The following MMADHC variants were observed in gnomAD, a reference collection of about 807,000 sequenced individuals.
The protein encoded by MMADHC is metabolism of cobalamin associated D.
In MMADHC, 23 loss-of-function variants were observed where a neutral mutation model predicts 36.3. The observed-to-expected ratio is 0.63, with a 90% CI of 0.46 to 0.90. The LOEUF is 0.90. MMADHC is among the 40% of genes least tolerant of loss of function. The probability of loss-of-function intolerance (pLI) is 0.00; values close to 1 mark genes in which losing one functional copy is unlikely to be tolerated. For synonymous variants in MMADHC, 97 were observed against 116.1 expected (o/e 0.84, Z 1.06); for missense variants, 330 against 348.0 (o/e 0.95, Z 0.41).
In MMADHC at chr2:149,569,644, C is replaced by A; in HGVS notation, c.*330G>T. On this transcript the variant is annotated 3_prime_UTR_variant, in exon 8 of 8. Coordinates refer to ENST00000303319, the MANE Select transcript of MMADHC (RefSeq NM_015702.3). ...TAATGAAAACACACATTATTGTAAC[C>A]AAATGTGTGATTTATTTTGGGAAGA... 5.5e-6 allele frequency: 1 copy of A among 181,708 alleles called. No individual in the cohort carries two copies. Among genetic ancestry groups the A allele is most frequent in the East Asian group, 1.4e-4 (1 of 7,060 alleles). The allele number at this position is 181,708 out of a possible 1,614,324, so 11.3% of individuals were successfully genotyped here. A position where few individuals can be genotyped will look rare whatever the true frequency, so the allele number is the denominator to read the frequency against.
intron 1 of MMADHC, 94 bp from the exon 2 acceptor site, chr2:149,587,243 A>C: frequency 2.5e-6 from 2 of 791,628 alleles, no homozygotes; most frequent in Non-Finnish European, 4.3e-6. Context: ...TGTGTCGTCC[A>C]CCACGTCAGG....
intron 1 of MMADHC, 111 bp from the exon 2 acceptor site, chr2:149,587,260 G>C: frequency 1.4e-6 from 1 of 704,092 alleles, no homozygotes; most frequent in Non-Finnish European, 2.5e-6. Context: ...CAGGACCAAA[G>C]TCCAAGCTCT....
chr2:149,586,587 A>G (rs1471038783), intron 2 of MMADHC, among the ~76,000 whole-genome samples: 1 of 152,228 alleles, frequency 6.6e-6, no homozygotes, highest in African/African-American at 2.4e-5. Context: ...TATATGTCTT[A>G]TGACCGCTAC....
chr2:149,570,314 G>A lies in MMADHC; in HGVS notation c.697-146C>T, dbSNP rs1483101491. ...AAAAGTCACATGCAACACTTAAACC[G>A]CCTTAATATCCCTTTCCTCCAATTC... On this transcript the variant is annotated intron_variant, in intron 7 of 7. Transcript: ENST00000303319. 5.0e-5 allele frequency: 35 copies of A among 697,506 alleles called. 1 individual carries two copies. In the South Asian group the frequency reaches 5.1e-4, roughly 10 times the overall value. 43.2% of individuals were successfully genotyped at this position (697,506 alleles called of 1,614,324 possible).
intron 3 of MMADHC, among the ~76,000 whole-genome samples, chr2:149,580,873 C>G (rs764741683): frequency 1.2e-4 from 18 of 152,172 alleles, no homozygotes; most frequent in Non-Finnish European, 2.2e-4. Flanking sequence ...AATGCAGATT[C>G]TGATTTAATA....
At position 149,571,139 on chromosome 2, in the gene MMADHC, A is replaced by G. The variant is rs1327982188; in HGVS notation, c.642T>C (p.Ala214=). The change falls in exon 7 of 8, where the codon GCT becomes GCC. Residue 214 remains alanine, a synonymous_variant. Transcript: ENST00000303319. ...FINGAKEICY[A]LRAEGYWADF... ...CAGCCCAATAACCCTCAGCTCGAAGAGCATAGCAAATTTCCTTAGCACCAT... is the reference window on the plus strand; with the variant it reads ...CAGCCCAATAACCCTCAGCTCGAAGGGCATAGCAAATTTCCTTAGCACCAT... The G allele has an allele frequency of 1.2e-6, 2 of 1,612,210 alleles. No individual in the cohort carries two copies. Among genetic ancestry groups the G allele is most frequent in the Admixed American group, 1.7e-5 (1 of 59,978 alleles).
Position 149,587,140 on chromosome 2 carries a change from A to G in MMADHC, c.-43T>C, listed in dbSNP as rs372937798. Reference sequence around the variant, plus strand: ...GTTCGCAAAATAGCTTTCCTTTGGTAAAGTTATTTCTGGGAAAGAACACAA... The same window carrying G: ...GTTCGCAAAATAGCTTTCCTTTGGTGAAGTTATTTCTGGGAAAGAACACAA... On this transcript the variant is annotated 5_prime_UTR_variant, in exon 2 of 8. Transcript: ENST00000303319. 10 of 1,603,168 alleles carry G rather than the reference A, an allele frequency of 6.2e-6. No homozygotes were observed. The African/African-American group carries it at 1.2e-4, about 19-fold the overall frequency.
At chr2:149,580,565 C>T (rs1375199411) in intron 3 of MMADHC, among the ~76,000 whole-genome samples, 1 of 152,106 alleles carries the variant, frequency 6.6e-6, no homozygotes, top group Non-Finnish European at 1.5e-5. Flanking sequence ...GAGATCTGGG[C>T]TTAGAGAAAC....
At chr2:149,572,992 C>T (rs1682666439) in intron 6 of MMADHC, among the ~76,000 whole-genome samples, 1 of 152,174 alleles carries the variant, frequency 6.6e-6, no homozygotes, top group Non-Finnish European at 1.5e-5. Context: ...TTTTACTGGA[C>T]ACAGCCATGG....
intron 2 of MMADHC, among the ~76,000 whole-genome samples, chr2:149,584,978 A>C (rs901696947): frequency 2.6e-5 from 4 of 151,088 alleles, no homozygotes; most frequent in African/African-American, 9.7e-5. Flanking sequence ...AGGAGCCAGG[A>C]TTTCAGTGAG....
chr2:149,577,491 T>C (rs926430636), intron 4 of MMADHC, among the ~76,000 whole-genome samples: 2 of 152,136 alleles, frequency 1.3e-5, no homozygotes, highest in South Asian at 2.1e-4. Flanking sequence ...ATTTGGACTT[T>C]AGTCTACAGG....
intron 6 of MMADHC, 37 bp from the exon 7 acceptor site, chr2:149,571,208 C>G: frequency 8.0e-7 from 1 of 1,256,962 alleles, no homozygotes; most frequent in Non-Finnish European, 1.1e-6. Flanking sequence ...CTTAAGATAG[C>G]ATTACTAGAG....
Position 149,582,131 on chromosome 2 carries a change from A to T in MMADHC, c.150T>A (p.Asp50Glu). 4 of 1,613,898 alleles carry T rather than the reference A, an allele frequency of 2.5e-6. No individual in the cohort carries two copies. Among genetic ancestry groups the T allele is most frequent in the Non-Finnish European group, 3.4e-6 (4 of 1,179,816 alleles). ...GCAGTAACAACTTTCACTTACATAT[A>T]TCTGGAGGTGCAGCAGCCACATGAG... ...DESHVAAAPPDICSRTVWPDE... is the reference protein window; with the variant it reads ...DESHVAAAPPEICSRTVWPDE... Residue 50 changes from aspartate to glutamate, a missense_variant, in exon 3 of 8, where the codon GAT becomes GAA. Physicochemically the swap from Asp to Glu is conservative, Grantham distance 45. Coordinates refer to ENST00000303319, the MANE Select transcript of MMADHC (RefSeq NM_015702.3).
chr2:149,587,443 A>G (rs1465770572), intron 1 of MMADHC: 4 of 398,096 alleles, frequency 1.0e-5, no homozygotes, highest in Non-Finnish European at 1.4e-5. Flanking sequence ...CAGAGGATCG[A>G]AGCGGCTGCT....
At chr2:149,573,264 A>G (rs1682669983) in intron 6 of MMADHC, among the ~76,000 whole-genome samples, 1 of 151,806 alleles carries the variant, frequency 6.6e-6, no homozygotes, top group Non-Finnish European at 1.5e-5. Flanking sequence ...AAACAAACAA[A>G]CAACAAAAAA....
At chr2:149,577,908 C>T (rs1453810720) in intron 4 of MMADHC, among the ~76,000 whole-genome samples, 1 of 151,640 alleles carries the variant, frequency 6.6e-6, no homozygotes, top group Non-Finnish European at 1.5e-5. Flanking sequence ...ATCTCAGCTA[C>T]TCGGGAGGCT....
intron 6 of MMADHC, among the ~76,000 whole-genome samples, chr2:149,575,099 T>C (rs1484368273): frequency 6.6e-6 from 1 of 152,170 alleles, no homozygotes; most frequent in Non-Finnish European, 1.5e-5. Context: ...CAGTTAAAAT[T>C]CTTAAATAAA....
chr2:149,583,160 G>T (rs889935959), intron 2 of MMADHC, among the ~76,000 whole-genome samples: 1 of 152,112 alleles, frequency 6.6e-6, no homozygotes, highest in African/African-American at 2.4e-5. Context: ...GCAACTCTCA[G>T]TTTAGTGAAA....
chr2:149,580,824 T>A (rs577729362), intron 3 of MMADHC, among the ~76,000 whole-genome samples: 12 of 152,222 alleles, frequency 7.9e-5, no homozygotes, highest in African/African-American at 2.9e-4. Flanking sequence ...CCCCTCAAAC[T>A]CTAAAGATGT....
Sources: gnomAD v4.1 joint callset for allele counts (sites outside exome capture counted in the v4.1 genomes callset) on GRCh38, gnomAD v4.1.1 for gene constraint, MANE v1.5 for transcripts, NCBI Gene and HGNC (gene_info 2026-07-23, HGNC 2026-07-21) for gene names.